The following NFIB variants were observed in gnomAD, a reference collection of about 807,000 sequenced individuals.
NFIB encodes the protein nuclear factor I B.
A neutral mutation model predicts 61.5 loss-of-function variants in NFIB; 11 were observed. That is an observed-to-expected ratio of 0.18 (90% CI 0.11 to 0.30). NFIB has a LOEUF of 0.30. NFIB is among the 10% of genes least tolerant of loss of function. NFIB has a pLI of 1.00. For synonymous variants in NFIB, 260 were observed against 216.5 expected (o/e 1.20, Z -1.76); for missense variants, 471 against 608.9 (o/e 0.77, Z 2.38).
In NFIB at chr9:14,313,799, C is replaced by G; in HGVS notation, c.-288G>C. On this transcript the variant is annotated 5_prime_UTR_variant, in exon 1 of 11. Coordinates refer to ENST00000380953, the MANE Select transcript of NFIB (RefSeq NM_001190737.2). This position sits in a 1 kb window ranked among gnomAD's most constrained non-coding sequence, Gnocchi z 4.5. ...TGCTTGCCGAGGCCGCCGCCGCCGCCGGTGTTGGCTGCTTTTCGCCTGGGT... is the reference window on the plus strand; with the variant it reads ...TGCTTGCCGAGGCCGCCGCCGCCGCGGGTGTTGGCTGCTTTTCGCCTGGGT... The G allele has an allele frequency of 1.5e-6, 2 of 1,328,678 alleles. No homozygotes were observed. The highest frequency in any genetic ancestry group is 2.9e-4 in the Middle Eastern group (1 of 3,480). The allele number at this position is 1,328,678 out of a possible 1,614,324, so 82.3% of individuals were successfully genotyped here.
At chr9:14,436,426 G>A in the NFIB span, among the ~76,000 whole-genome samples, 3 of 152,224 alleles carry the variant, frequency 2.0e-5, no homozygotes, top group African/African-American at 7.2e-5. Flanking sequence ...TGTTCACCAG[G>A]TAAGGCTTTC....
chr9:14,322,717 A>C (rs1222990000), intron 1 of NFIB, among the ~76,000 whole-genome samples: 2 of 151,466 alleles, frequency 1.3e-5, no homozygotes, highest in African/African-American at 2.4e-5. Flanking sequence ...GGCGCCCGGG[A>C]CCCGGGAGGC....
rs1356143571 is a variant in NFIB, at chr9:14,237,841, CAGTGTG to C, written c.563-58067_563-58062del. 1.0e-3 allele frequency among the ~76,000 whole-genome samples: 27 copies of C among 26,028 alleles called. 1 individual carries two copies. Among genetic ancestry groups the C allele is most frequent in the Non-Finnish European group, 5.9e-4 (8 of 13,470 alleles). 17.1% of individuals were successfully genotyped at this position (26,028 alleles called of 152,430 possible). On this transcript the variant is annotated intron_variant, in intron 2 of 10. Transcript: ENST00000380953. ...AAGCTCCTCACCCTGCTAGGTATAA[CAGTGTG>C]TGTGTGTGTGTGTGTGTGTGTGTGT...
At chr9:14,495,731 G>A in the NFIB span, among the ~76,000 whole-genome samples, 2 of 152,078 alleles carry the variant, frequency 1.3e-5, no homozygotes, top group African/African-American at 2.4e-5. Context: ...TAGAAGCTTA[G>A]TGTACAAGAA....
In NFIB at chr9:14,320,804, G is replaced by C. The variant is rs554809643; in HGVS notation, c.109-13284C>G. 2.0e-5 allele frequency among the ~76,000 whole-genome samples: 3 copies of C among 152,228 alleles called. No individual in the cohort carries two copies. In the South Asian group the frequency reaches 6.2e-4, roughly 32 times the overall value. On this transcript the variant is annotated intron_variant, in intron 1 of 8. Transcript: ENST00000380934. ...CTGATTTAAATGTCTGTTCAAGTGT[G>C]GGATCAAAAGTTAACTTTTTCCCGC... is the stretch of plus-strand genomic sequence containing the variant.
At chr9:14,092,887 A>G (rs959000831) in intron 10 of NFIB, among the ~76,000 whole-genome samples, 10 of 152,202 alleles carry the variant, frequency 6.6e-5, no homozygotes, top group Non-Finnish European at 7.4e-5. Flanking sequence ...AAAATAGTTC[A>G]TCTTCGCATC....
intron 2 of NFIB, among the ~76,000 whole-genome samples, chr9:14,239,726 G>A (rs2054160107): frequency 2.6e-5 from 4 of 152,024 alleles, no homozygotes; most frequent in African/African-American, 2.4e-5. Flanking sequence ...GAGAAGCTTC[G>A]AAACAGGAAA....
intron 1 of NFIB, among the ~76,000 whole-genome samples, chr9:14,342,852 CCAAA>C (rs1296075942): frequency 7.2e-5 from 11 of 152,178 alleles, no homozygotes; most frequent in Non-Finnish European, 1.0e-4. Flanking sequence ...CACCAAGCAA[CCAAA>C]CAATGAGGGT....
At chr9:14,501,115 T>A in the NFIB span, among the ~76,000 whole-genome samples, 1 of 152,226 alleles carries the variant, frequency 6.6e-6, no homozygotes, top group Admixed American at 6.5e-5. Context: ...TACAGATTTT[T>A]CTGGATTTTG....
At chr9:14,453,185 G>A in the NFIB span, among the ~76,000 whole-genome samples, 2 of 152,184 alleles carry the variant, frequency 1.3e-5, no homozygotes, top group Non-Finnish European at 2.9e-5. Context: ...TCAAAGACAG[G>A]ATCACTGAAA....
chr9:14,259,157 A>G lies in NFIB; in HGVS notation c.562+47832T>C, dbSNP rs986186106. On this transcript the variant is annotated intron_variant, in intron 2 of 10. Transcript: ENST00000380953. The stretch of plus-strand genomic sequence containing the variant: ...ACATTCACATCTCATTCATTGTTAC[A>G]TACAAAGCTCATGAAGTGATAACAT... Among the ~76,000 whole-genome samples the G allele has an allele frequency of 9.2e-5, 14 of 152,236 alleles. No individual in the cohort carries two copies. In the East Asian group the frequency reaches 1.3e-3, roughly 15 times the overall value.
At chr9:14,093,359 G>T (rs1260303190) in intron 10 of NFIB, 1 of 151,772 alleles carries the variant, frequency 6.6e-6, no homozygotes, top group Non-Finnish European at 1.5e-5. Flanking sequence ...TTAATCATGA[G>T]AAAATACCAT....
intron 1 of NFIB, among the ~76,000 whole-genome samples, chr9:14,396,965 T>G (rs2061693474): frequency 6.6e-6 from 1 of 152,170 alleles, no homozygotes; most frequent in African/African-American, 2.4e-5. Flanking sequence ...CATGACTTTA[T>G]AGGAAGTAAA....
chr9:14,435,422 A>G, the NFIB span, among the ~76,000 whole-genome samples: 1 of 152,324 alleles, frequency 6.6e-6, no homozygotes, highest in African/African-American at 2.4e-5. Context: ...TTCTGGCTCT[A>G]TCACTTACTA....
chr9:14,088,163 A>C lies in NFIB; in HGVS notation c.*146T>G. The C allele has an allele frequency of 7.1e-7, 1 of 1,415,166 alleles. No individual in the cohort carries two copies. Among genetic ancestry groups the C allele is most frequent in the Non-Finnish European group, 9.3e-7 (1 of 1,072,924 alleles). The allele number at this position is 1,415,166 out of a possible 1,614,324, so 87.7% of individuals were successfully genotyped here. On this transcript the variant is annotated 3_prime_UTR_variant, in exon 11 of 11. Coordinates refer to ENST00000380953, the MANE Select transcript of NFIB (RefSeq NM_001190737.2). ...TTCCTTTTTTTTTATTTAAAAAAAA[A>C]ATTTCTTAAACTATTGTTGTGTTTC...
the NFIB span, among the ~76,000 whole-genome samples, chr9:14,426,214 A>G: frequency 6.6e-6 from 1 of 152,098 alleles, no homozygotes; most frequent in Non-Finnish European, 1.5e-5. Context: ...CTCTGTTCAT[A>G]GCATGATAAT....
At chr9:14,321,344 G>T (rs1327553477) in intron 1 of NFIB, among the ~76,000 whole-genome samples, 1 of 152,138 alleles carries the variant, frequency 6.6e-6, no homozygotes, top group Non-Finnish European at 1.5e-5. Flanking sequence ...TTGGTGGGGG[G>T]TGCGGAAGAA....
In NFIB at chr9:14,241,651, A is replaced by C. The variant is rs58361699; in HGVS notation, c.563-61871T>G. On this transcript the variant is annotated intron_variant, in intron 2 of 10. Coordinates refer to ENST00000380953, the MANE Select transcript of NFIB (RefSeq NM_001190737.2). ...ACTTTACACTCTGAAATGTAGATAC[A>C]TAAGCTACTTTTGGATCAGGGCCCA... Among the ~76,000 whole-genome samples, 5,127 of 152,258 alleles carry C rather than the reference A, an allele frequency of 0.034. 834 individuals are homozygous for C. The East Asian group carries it at 0.51, about 15-fold the overall frequency.
intron 1 of NFIB, among the ~76,000 whole-genome samples, chr9:14,322,653 A>C (rs1457939768): frequency 6.7e-6 from 1 of 148,448 alleles, no homozygotes; most frequent in African/African-American, 2.4e-5. Flanking sequence ...GGCGGCGGGA[A>C]GGAAACCGAA....
Sources: allele counts gnomAD v4.1 joint callset (sites outside exome capture counted in the v4.1 genomes callset), GRCh38; gene constraint gnomAD v4.1.1; non-coding constraint Gnocchi (gnomAD v3.1); transcripts MANE v1.5; gene names NCBI Gene and HGNC (gene_info 2026-07-23, HGNC 2026-07-21).